The following NAALADL2 variants were observed in gnomAD, a reference collection of about 807,000 sequenced individuals.
NAALADL2 encodes N-acetylated alpha-linked acidic dipeptidase like 2.
NAALADL2 carries 76 observed loss-of-function variants against 87.2 expected under a neutral mutation model. That is an observed-to-expected ratio of 0.87 (90% CI 0.72 to 1.05). The LOEUF (loss-of-function observed/expected upper bound fraction) is 1.05. NAALADL2 is among the 50% of genes least tolerant of loss of function. The pLI, the probability that NAALADL2 is intolerant of heterozygous loss-of-function variation, is 0.00. For synonymous variants in NAALADL2, 354 were observed against 331.0 expected (o/e 1.07, Z -0.75); for missense variants, 1,089 against 945.8 (o/e 1.15, Z -1.99).
At chr3:175,490,461 A>C (rs1727899130) in intron 9 of NAALADL2, among the ~76,000 whole-genome samples, 1 of 151,664 alleles carries the variant, frequency 6.6e-6, no homozygotes, top group African/African-American at 2.4e-5. Context: ...ATCTCAGCTC[A>C]CTGCAAGCTC....
chr3:174,743,257 T>C (rs1210404613), intron 3 of NAALADL2, among the ~76,000 whole-genome samples: 1 of 151,742 alleles, frequency 6.6e-6, no homozygotes, highest in Non-Finnish European at 1.5e-5. Flanking sequence ...AACCGGGTCT[T>C]TTGTTTCTCT....
chr3:174,477,211 C>G (rs1717269436), intron 1 of NAALADL2, among the ~76,000 whole-genome samples: 1 of 151,978 alleles, frequency 6.6e-6, no homozygotes, highest in South Asian at 2.1e-4. Context: ...TCCTTGTGAC[C>G]ATTTTGTCCT....
intron 1 of NAALADL2, among the ~76,000 whole-genome samples, chr3:175,031,183 G>A (rs187701965): frequency 3.3e-5 from 5 of 151,804 alleles, no homozygotes; most frequent in Non-Finnish European, 7.4e-5. Flanking sequence ...TTTGTTACAC[G>A]GGTACATTGT....
chr3:174,627,370 A>T (rs557608611), intron 2 of NAALADL2, among the ~76,000 whole-genome samples: 30 of 152,322 alleles, frequency 2.0e-4, no homozygotes, highest in African/African-American at 7.0e-4. Context: ...ATGCAAATTA[A>T]ACCCACAAAA....
chr3:175,134,576 A>G (rs1728798842), intron 2 of NAALADL2, among the ~76,000 whole-genome samples: 1 of 152,178 alleles, frequency 6.6e-6, no homozygotes, highest in African/African-American at 2.4e-5. Flanking sequence ...TTTTCTCAAT[A>G]TATAGCATGA....
chr3:174,508,114 G>GTTTTTTTTTGTTTGTT (rs1553775285), intron 1 of NAALADL2, among the ~76,000 whole-genome samples: 7 of 103,874 alleles, frequency 6.7e-5, no homozygotes, highest in Middle Eastern at 5.9e-3. Flanking sequence ...ATATCTAGTG[G>GTTTTTTTTTGTTTGTT]TTTTTTTTTT....
chr3:174,993,295 TAGAA>T (rs1746988672), intron 1 of NAALADL2, among the ~76,000 whole-genome samples: 3 of 152,128 alleles, frequency 2.0e-5, no homozygotes. Context: ...ATTGGAAACA[TAGAA>T]AGATAACATT....
At chr3:175,750,353 T>C (rs1439421229) in intron 12 of NAALADL2, among the ~76,000 whole-genome samples, 2 of 152,202 alleles carry the variant, frequency 1.3e-5, no homozygotes, top group Non-Finnish European at 2.9e-5. Context: ...TGTCTAGGTC[T>C]CAATATCTAT....
At chr3:175,008,092 C>T (rs983814539) in intron 1 of NAALADL2, among the ~76,000 whole-genome samples, 1 of 152,124 alleles carries the variant, frequency 6.6e-6, no homozygotes, top group Admixed American at 6.5e-5. Context: ...TTTACAAATG[C>T]TTGCCCTGGG....
chr3:175,049,102 T>C lies in NAALADL2; in HGVS notation c.44-47688T>C, dbSNP rs375666404. ...TGAATAGTACTCAACCCCACAGATA[T>C]TTTTTTTTTCCTAGAATCAGCCAGG... On this transcript the variant is annotated intron_variant, in intron 1 of 13. Transcript: ENST00000454872. 1.6e-4 allele frequency among the ~76,000 whole-genome samples: 24 copies of C among 148,070 alleles called. No individual in the cohort carries two copies. The East Asian group carries it at 4.4e-3, about 27-fold the overall frequency.
At chr3:175,297,036 A>C (rs1756473729) in intron 4 of NAALADL2, among the ~76,000 whole-genome samples, 3 of 152,074 alleles carry the variant, frequency 2.0e-5, no homozygotes, top group Admixed American at 1.3e-4. Context: ...GCCAAATCTG[A>C]CTCACACACA....
intron 1 of NAALADL2, among the ~76,000 whole-genome samples, chr3:175,026,214 C>G (rs1480923851): frequency 6.6e-6 from 1 of 151,926 alleles, no homozygotes; most frequent in East Asian, 1.9e-4. Context: ...TTATAAAGCT[C>G]CAGGCAATAT....
chr3:175,449,617 T>C (rs1237161868), intron 6 of NAALADL2, among the ~76,000 whole-genome samples: 3 of 151,298 alleles, frequency 2.0e-5, no homozygotes, highest in Non-Finnish European at 4.4e-5. Context: ...ATGGTCTCGA[T>C]TTCCTGACCT....
At chr3:174,447,376 C>T (rs1013504022) in intron 1 of NAALADL2, among the ~76,000 whole-genome samples, 3 of 151,992 alleles carry the variant, frequency 2.0e-5, no homozygotes, top group Admixed American at 6.6e-5. Context: ...TAGAGGGCTC[C>T]GAGCCATAGA....
chr3:175,206,264 T>TATATATATATATATATATA lies in NAALADL2; in HGVS notation c.546-27667_546-27666insATATATATATATATATATA, dbSNP rs750185480. 5.2e-3 allele frequency among the ~76,000 whole-genome samples: 364 copies of TATATATATATATATATATA among 69,338 alleles called. 7 individuals carry two copies. Among genetic ancestry groups the TATATATATATATATATATA allele is most frequent in the African/African-American group, 0.011 (191 of 16,688 alleles). 45.5% of individuals were successfully genotyped at this position (69,338 alleles called of 152,430 possible). The stretch of plus-strand genomic sequence containing the variant: ...AAAAACTATATATATATATATATAT[T>TATATATATATATATATATA]TTTTTTTTTCACTGTGTGTGTGTAT... On this transcript the variant is annotated intron_variant, in intron 2 of 13. Coordinates refer to ENST00000454872, the MANE Select transcript of NAALADL2 (RefSeq NM_207015.3).
At chr3:175,352,107 C>T (rs1322340920) in intron 5 of NAALADL2, among the ~76,000 whole-genome samples, 2 of 151,662 alleles carry the variant, frequency 1.3e-5, no homozygotes, top group Non-Finnish European at 2.9e-5. Flanking sequence ...CTGTGGATTT[C>T]AGGTGGCTCT....
At chr3:174,922,039 G>A (rs2077255335) in intron 1 of NAALADL2, among the ~76,000 whole-genome samples, 1 of 151,814 alleles carries the variant, frequency 6.6e-6, no homozygotes, top group African/African-American at 2.4e-5. Flanking sequence ...AAACTATTTT[G>A]GCTCATGCCT....
chr3:174,768,092 G>C (rs1411064555), intron 3 of NAALADL2, among the ~76,000 whole-genome samples: 1 of 152,134 alleles, frequency 6.6e-6, no homozygotes, highest in African/African-American at 2.4e-5. Context: ...GGTGGAGGTG[G>C]GGAAAAGAGG....
At chr3:175,184,509 G>A (rs573266986) in intron 2 of NAALADL2, among the ~76,000 whole-genome samples, 2 of 151,032 alleles carry the variant, frequency 1.3e-5, no homozygotes, top group South Asian at 2.1e-4. Context: ...TTCCTTCTCC[G>A]GAAGTACTGA....
Sources: gnomAD v4.1 joint callset for allele counts (sites outside exome capture counted in the v4.1 genomes callset) on GRCh38, gnomAD v4.1.1 for gene constraint, MANE v1.5 for transcripts, NCBI Gene and HGNC (gene_info 2026-07-23, HGNC 2026-07-21) for gene names.